GRID2: variants seen among roughly 807,000 people sequenced by gnomAD.
GRID2 encodes glutamate ionotropic receptor delta type subunit 2, also known as glutamate receptor ionotropic, delta-2.
In GRID2, 33 loss-of-function variants were observed where a neutral mutation model predicts 114.8. The observed-to-expected ratio is 0.29, with a 90% CI of 0.22 to 0.38. The LOEUF (loss-of-function observed/expected upper bound fraction) is 0.38, where lower values mean the gene tolerates loss of function less well. Ranked by LOEUF, GRID2 falls within the 10% of genes least tolerant of loss-of-function variation. The pLI, the probability that GRID2 is intolerant of heterozygous loss-of-function variation, is 1.00. For missense variants in GRID2, 1,184 were observed against 1,257.7 expected (o/e 0.94, Z 0.89); for synonymous variants, 505 against 449.9 (o/e 1.12, Z -1.55).
intron 1 of GRID2, among the ~76,000 whole-genome samples, chr4:92,579,905 G>A (rs1728092176): frequency 6.8e-6 from 1 of 147,858 alleles, no homozygotes; most frequent in Non-Finnish European, 1.5e-5. Context: ...AGATGAAACT[G>A]AGTCTATTAT....
At chr4:93,004,973 G>A (rs1721360888) in intron 2 of GRID2, among the ~76,000 whole-genome samples, 1 of 151,886 alleles carries the variant, frequency 6.6e-6, no homozygotes, top group East Asian at 1.9e-4. Flanking sequence ...CCTATCTCTT[G>A]CATCTCTTTC....
chr4:93,318,704 T>C (rs1756931289), intron 8 of GRID2: 1 of 152,132 alleles, frequency 6.6e-6, no homozygotes, highest in African/African-American at 2.4e-5. Flanking sequence ...CAACCATTCC[T>C]TCTATCCTTG....
intron 2 of GRID2, among the ~76,000 whole-genome samples, chr4:92,840,284 GT>G (rs1210528153): frequency 6.6e-6 from 1 of 151,716 alleles, no homozygotes; most frequent in Non-Finnish European, 1.5e-5. Flanking sequence ...ACCAGTCTCA[GT>G]TTTTTTAATA....
chr4:93,677,663 G>C (rs1270514627), intron 14 of GRID2, among the ~76,000 whole-genome samples: 4 of 152,132 alleles, frequency 2.6e-5, no homozygotes, highest in Admixed American at 2.6e-4. Context: ...TGATACCCAG[G>C]CAAACAGGGT....
rs960284361 is a variant in GRID2 at position 93,455,970 on chromosome 4, A to G, written c.1854A>G (p.Gln618=). Residue 618 remains glutamine, a synonymous_variant, in exon 11 of 16, where the codon CAA becomes CAG. Transcript: ENST00000282020. The part of the protein sequence containing the change: ...SMWFVYGSFV[Q]QGGEVPYTTL... The stretch of plus-strand genomic sequence containing the variant: ...GGTTTGTGTATGGATCTTTTGTACA[A>G]CAAGGTAAGGAGCAAAAGTACATTC... The G allele has an allele frequency of 4.5e-6, 7 of 1,572,714 alleles. No homozygotes were observed. The highest frequency in any genetic ancestry group is 6.1e-6 in the Non-Finnish European group (7 of 1,142,284).
chr4:93,757,947 A>C (rs1262853687), intron 14 of GRID2, among the ~76,000 whole-genome samples: 1 of 152,080 alleles, frequency 6.6e-6, no homozygotes, highest in African/African-American at 2.4e-5. Flanking sequence ...ACAGGGCGAG[A>C]CTCCGTCTCA....
chr4:92,671,925 G>T (rs945894915), intron 2 of GRID2, among the ~76,000 whole-genome samples: 1 of 152,090 alleles, frequency 6.6e-6, no homozygotes, highest in East Asian at 1.9e-4. Context: ...AGACCATATG[G>T]TTTCAGGATA....
chr4:92,776,695 T>G (rs1430000086), intron 2 of GRID2, among the ~76,000 whole-genome samples: 1 of 152,146 alleles, frequency 6.6e-6, no homozygotes, highest in African/African-American at 2.4e-5. Context: ...CTGTAAAGAT[T>G]GTTCTCTCTA....
chr4:93,317,462 A>G (rs1475205330), intron 8 of GRID2, among the ~76,000 whole-genome samples: 1 of 152,098 alleles, frequency 6.6e-6, no homozygotes, highest in African/African-American at 2.4e-5. Flanking sequence ...TTAAAAAACA[A>G]ACAGACAAGG....
At chr4:92,387,265 T>A (rs978714428) in intron 1 of GRID2, among the ~76,000 whole-genome samples, 2 of 151,796 alleles carry the variant, frequency 1.3e-5, no homozygotes, top group Non-Finnish European at 2.9e-5. Flanking sequence ...TCTAGAAAAA[T>A]TTCAGTGGTA....
At chr4:92,537,787 GTGT>G (rs372171597) in intron 1 of GRID2, among the ~76,000 whole-genome samples, 22,578 of 102,440 alleles carry the variant, frequency 0.22, 1,841 homozygotes, top group South Asian at 0.32. Flanking sequence ...AACTTGCGGT[GTGT>G]GTGTGTGTGT....
At chr4:92,515,218 A>G (rs1724442856) in intron 1 of GRID2, among the ~76,000 whole-genome samples, 1 of 151,914 alleles carries the variant, frequency 6.6e-6, no homozygotes, top group South Asian at 2.1e-4. Flanking sequence ...CTATATTAAA[A>G]TTCTGTTGTT....
chr4:92,637,225 T>A (rs549513551), intron 2 of GRID2, among the ~76,000 whole-genome samples: 1 of 152,116 alleles, frequency 6.6e-6, no homozygotes, highest in South Asian at 2.1e-4. Context: ...TTTTTTTAAA[T>A]TTACATTTGC....
chr4:92,704,723 T>TCTCTTTCTCTC (rs1734861937), intron 2 of GRID2, among the ~76,000 whole-genome samples: 2 of 90,050 alleles, frequency 2.2e-5, no homozygotes, highest in African/African-American at 8.4e-5. Context: ...CTCTCTCTCT[T>TCTCTTTCTCTC]TCTCTCTCTC....
At chr4:92,995,982 A>G (rs1157025802) in intron 2 of GRID2, among the ~76,000 whole-genome samples, 1 of 151,840 alleles carries the variant, frequency 6.6e-6, no homozygotes, top group Non-Finnish European at 1.5e-5. Context: ...GGTAACATAG[A>G]GTTATGTCAT....
chr4:92,640,404 G>T (rs1055541371), intron 2 of GRID2, among the ~76,000 whole-genome samples: 1 of 151,768 alleles, frequency 6.6e-6, no homozygotes, highest in Non-Finnish European at 1.5e-5. Flanking sequence ...CTGAAGAAAT[G>T]TTCCACTGAG....
chr4:93,718,731 G>A (rs991076272), intron 14 of GRID2, among the ~76,000 whole-genome samples: 6 of 152,004 alleles, frequency 3.9e-5, no homozygotes, highest in African/African-American at 9.7e-5. Flanking sequence ...AAAAAAATCC[G>A]TAGGAATCAA....
At chr4:93,023,560 A>T (rs1723597776) in intron 2 of GRID2, among the ~76,000 whole-genome samples, 1 of 151,908 alleles carries the variant, frequency 6.6e-6, no homozygotes, top group Admixed American at 6.6e-5. Context: ...AAAATATGTA[A>T]TTTTTAAAAG....
intron 2 of GRID2, among the ~76,000 whole-genome samples, chr4:92,626,679 A>C (rs774520139): frequency 6.6e-6 from 1 of 152,094 alleles, no homozygotes; most frequent in Non-Finnish European, 1.5e-5. Flanking sequence ...TTACAAAAAC[A>C]TATGTAAAAT....
Sources: gnomAD v4.1 joint callset for allele counts (sites outside exome capture counted in the v4.1 genomes callset) on GRCh38, gnomAD v4.1.1 for gene constraint, MANE v1.5 for transcripts, NCBI Gene and HGNC (gene_info 2026-07-23, HGNC 2026-07-21) for gene names.